KIRREL3: variants seen among roughly 807,000 people sequenced by gnomAD.
The protein encoded by KIRREL3 is kin of IRRE-like protein 3.
Under a neutral mutation model 89.7 loss-of-function variants are expected in KIRREL3, and 36 were observed. The observed-to-expected ratio is 0.40, with a 90% CI of 0.31 to 0.53. KIRREL3 has a LOEUF of 0.53. Ranked by LOEUF, KIRREL3 falls within the 20% of genes least tolerant of loss-of-function variation. The probability of loss-of-function intolerance (pLI) is 0.49; values close to 1 mark genes in which losing one functional copy is unlikely to be tolerated. For missense variants in KIRREL3, 864 were observed against 1,056.6 expected, an observed-to-expected ratio of 0.82 and a Z score of 2.53; for synonymous variants, 445 against 441.4, an observed-to-expected ratio of 1.01 and a Z score of -0.10.
rs190189074 is a variant in KIRREL3 at position 126,581,394 on chromosome 11, G to T, written c.56-18482C>A. Among the ~76,000 whole-genome samples, 4 of 152,228 alleles carry T rather than the reference G, an allele frequency of 2.6e-5. No homozygotes were observed. In the East Asian group the frequency reaches 7.7e-4, roughly 29 times the overall value. On this transcript the variant is annotated intron_variant, in intron 1 of 16. Coordinates refer to ENST00000525144, the MANE Select transcript of KIRREL3 (RefSeq NM_032531.4). ...ATTTTTGTATTTTTGTAGAGACAGG[G>T]TTTCACCTTGTTGACCAGGCTGGTC...
chr11:126,596,284 A>AC (rs35378597), intron 1 of KIRREL3, among the ~76,000 whole-genome samples: 1 of 152,068 alleles, frequency 6.6e-6, no homozygotes, highest in Non-Finnish European at 1.5e-5. Context: ...GGCATATGGT[A>AC]GATGTTGAGT....
At chr11:126,933,318 C>A (rs752178981) in intron 1 of KIRREL3, among the ~76,000 whole-genome samples, 1 of 151,780 alleles carries the variant, frequency 6.6e-6, no homozygotes, top group Non-Finnish European at 1.5e-5. Context: ...AGTGAGTGAG[C>A]CTAAGTTCAT....
At chr11:126,799,029 T>C (rs1350223298) in intron 1 of KIRREL3, among the ~76,000 whole-genome samples, 2 of 151,882 alleles carry the variant, frequency 1.3e-5, no homozygotes, top group African/African-American at 4.8e-5. Flanking sequence ...TATCTGTGCG[T>C]GTGCATGTGT....
rs572275467 is a variant in KIRREL3, at chr11:126,519,910, C to T, written c.433+1405G>A. 3.9e-5 allele frequency among the ~76,000 whole-genome samples: 6 copies of T among 152,248 alleles called. No homozygotes were observed. In the South Asian group the frequency reaches 6.2e-4, roughly 16 times the overall value. The stretch of plus-strand genomic sequence containing the variant: ...TACCCCAATTACTCCTCGGAAGGCC[C>T]GCTTCCCGGCCATGGAATCCCAACT... On this transcript the variant is annotated intron_variant, in intron 4 of 16. Coordinates refer to ENST00000525144, the MANE Select transcript of KIRREL3 (RefSeq NM_032531.4). The surrounding 1 kb of genome is among the most constrained non-coding windows in gnomAD (Gnocchi z 4.3).
In KIRREL3 at chr11:126,436,998, C is replaced by A. The variant is rs1337981643; in HGVS notation, c.1365G>T (p.Trp455Cys). The A allele has an allele frequency of 6.5e-7, 1 of 1,550,220 alleles. No individual in the cohort carries two copies. The highest frequency in any genetic ancestry group is 2.3e-5 in the East Asian group (1 of 42,756). ...TPPPDRIAWS[W>C]KENVLESGTS... ...TGCCCGACTCCAGAACGTTCTCCTT[C>A]CAGGACCAGGCCTGCCCGGGGGCGC... Residue 455 changes from tryptophan (W) to cysteine (C), a missense_variant, in exon 12 of 17, where the codon TGG becomes TGT. Transcript: ENST00000525144.
At chr11:126,457,045 G>A (rs1012007552) in intron 6 of KIRREL3, among the ~76,000 whole-genome samples, 6 of 152,104 alleles carry the variant, frequency 3.9e-5, no homozygotes, top group Non-Finnish European at 8.8e-5. Context: ...GTGGGAAGGG[G>A]AGGAGACAGA....
At position 126,987,289 on chromosome 11, in the gene KIRREL3, T is replaced by C. The variant is rs1214340961; in HGVS notation, c.55+13166A>G. Reference sequence around the variant, plus strand: ...AATCTAGCAGAGTCTATAGTACGCATAAAGTCAACAATGAACAAGACTAAG... The same window carrying C: ...AATCTAGCAGAGTCTATAGTACGCACAAAGTCAACAATGAACAAGACTAAG... On this transcript the variant is annotated intron_variant, in intron 1 of 16. Transcript: ENST00000525144. This position sits in a 1 kb window ranked among gnomAD's most constrained non-coding sequence, Gnocchi z 4.6. 6.6e-6 allele frequency among the ~76,000 whole-genome samples: 1 copy of C among 152,212 alleles called. No individual in the cohort carries two copies. Among genetic ancestry groups the C allele is most frequent in the East Asian group, 1.9e-4 (1 of 5,200 alleles).
intron 5 of KIRREL3, among the ~76,000 whole-genome samples, chr11:126,468,965 T>C (rs1956806490): frequency 6.6e-6 from 1 of 152,114 alleles, no homozygotes; most frequent in East Asian, 1.9e-4. Flanking sequence ...AAACGCGAGG[T>C]CCATAGTGGG....
intron 1 of KIRREL3, among the ~76,000 whole-genome samples, chr11:126,698,340 C>T (rs1331543053): frequency 2.0e-5 from 3 of 152,192 alleles, no homozygotes; most frequent in Admixed American, 6.5e-5. Flanking sequence ...CAGACAAATC[C>T]CTCTCCCAGG....
At chr11:126,799,751 G>T (rs1950972782) in intron 1 of KIRREL3, among the ~76,000 whole-genome samples, 8 of 152,214 alleles carry the variant, frequency 5.3e-5, no homozygotes, top group Admixed American at 5.2e-4. Context: ...TCTGCCCCCA[G>T]TTTTTATTAA....
chr11:126,756,553 C>G (rs1477871781), intron 1 of KIRREL3, among the ~76,000 whole-genome samples: 1 of 152,234 alleles, frequency 6.6e-6, no homozygotes, highest in African/African-American at 2.4e-5. Flanking sequence ...GGTCTAGGCC[C>G]CTGGAATGCC....
chr11:126,552,551 T>TTTTTG (rs1565544828), intron 2 of KIRREL3, among the ~76,000 whole-genome samples: 54 of 28,744 alleles, frequency 1.9e-3, no homozygotes, highest in African/African-American at 8.5e-3. Context: ...GAGAGAAAAG[T>TTTTTG]TTTTTTTTTT....
In KIRREL3 at chr11:126,825,981, G is replaced by C. The variant is rs145472049; in HGVS notation, c.55+174474C>G. On this transcript the variant is annotated intron_variant, in intron 1 of 16. Transcript: ENST00000525144. Reference sequence around the variant, plus strand: ...TTTGGATTTTTCCCAGTTGGGTTCAGCCTTTTCTAGTCACTCCCCTTCCTG... The same window carrying C: ...TTTGGATTTTTCCCAGTTGGGTTCACCCTTTTCTAGTCACTCCCCTTCCTG... Among the ~76,000 whole-genome samples, 1,291 of 152,284 alleles carry C rather than the reference G, an allele frequency of 8.5e-3. 6 individuals are homozygous for C. The highest frequency in any genetic ancestry group is 0.048 in the Middle Eastern group (14 of 294).
intron 1 of KIRREL3, among the ~76,000 whole-genome samples, chr11:126,625,152 A>T (rs1384968281): frequency 6.6e-6 from 1 of 152,122 alleles, no homozygotes; most frequent in Non-Finnish European, 1.5e-5. Flanking sequence ...GCCCTACTTG[A>T]TCTGAGCATG....
At chr11:126,479,195 A>C (rs1957158697) in intron 4 of KIRREL3, among the ~76,000 whole-genome samples, 2 of 152,102 alleles carry the variant, frequency 1.3e-5, no homozygotes, top group African/African-American at 4.8e-5. Context: ...CACTGACTAC[A>C]GTGGAGGGAG....
In KIRREL3 at chr11:126,601,662, G is replaced by A. The variant is rs1319957693; in HGVS notation, c.56-38750C>T. Among the ~76,000 whole-genome samples the A allele has an allele frequency of 1.3e-5, 2 of 152,098 alleles. No homozygotes were observed. The highest frequency in any genetic ancestry group is 1.5e-5 in the Non-Finnish European group (1 of 67,998). On this transcript the variant is annotated intron_variant, in intron 1 of 16. Transcript: ENST00000525144. This position sits in a 1 kb window ranked among gnomAD's most constrained non-coding sequence, Gnocchi z 5.8. ...GAGAAAGGAGGCCTCACAGTGTCCT[G>A]GCCCCCTCTGCCCACTTGCCGCCCC...
Position 126,492,319 on chromosome 11 carries a change from G to C in KIRREL3, c.434-18853C>G, listed in dbSNP as rs1447114483. On this transcript the variant is annotated intron_variant, in intron 4 of 16. Coordinates refer to ENST00000525144, the MANE Select transcript of KIRREL3 (RefSeq NM_032531.4). This position sits in a 1 kb window ranked among gnomAD's most constrained non-coding sequence, Gnocchi z 4.8. ...TTCCCAAGCCTGTTCCCCTACCCCCGATGAGGGATGAGGTGGATGTGACAA... is the reference window on the plus strand; with the variant it reads ...TTCCCAAGCCTGTTCCCCTACCCCCCATGAGGGATGAGGTGGATGTGACAA... Among the ~76,000 whole-genome samples the C allele has an allele frequency of 6.6e-6, 1 of 152,156 alleles. No individual in the cohort carries two copies. The highest frequency in any genetic ancestry group is 1.5e-5 in the Non-Finnish European group (1 of 68,024).
In KIRREL3 at chr11:126,639,859, G is replaced by A. The variant is rs542397439; in HGVS notation, c.56-76947C>T. Among the ~76,000 whole-genome samples, 3 of 152,328 alleles carry A rather than the reference G, an allele frequency of 2.0e-5. No homozygotes were observed. The highest frequency in any genetic ancestry group is 2.0e-4 in the Admixed American group (3 of 15,300). Reference sequence around the variant, plus strand: ...GCTGGGATCTGAGAAGGCTTAGTTTGATTACGCTTCATGGCCATCCAATCC... The same window carrying A: ...GCTGGGATCTGAGAAGGCTTAGTTTAATTACGCTTCATGGCCATCCAATCC... On this transcript the variant is annotated intron_variant, in intron 1 of 16. Coordinates refer to ENST00000525144, the MANE Select transcript of KIRREL3 (RefSeq NM_032531.4). This position sits in a 1 kb window ranked among gnomAD's most constrained non-coding sequence, Gnocchi z 4.3.
At position 126,521,568 on chromosome 11, in the gene KIRREL3, G is replaced by A; in HGVS notation, c.284-104C>T. The A allele has an allele frequency of 9.7e-7, 1 of 1,029,938 alleles. No individual in the cohort carries two copies. The highest frequency in any genetic ancestry group is 1.4e-6 in the Non-Finnish European group (1 of 711,440). The allele number at this position is 1,029,938 out of a possible 1,614,324, so 63.8% of individuals were successfully genotyped here. On this transcript the variant is annotated intron_variant, in intron 3 of 16. Coordinates refer to ENST00000525144, the MANE Select transcript of KIRREL3 (RefSeq NM_032531.4). This position sits in a 1 kb window ranked among gnomAD's most constrained non-coding sequence, Gnocchi z 4.1. ...ACCCAAGCAGGGGCCATTCTACAAG[G>A]CTGGCAGAGCGGGTGATTGCTCAGG...
Sources: allele counts gnomAD v4.1 joint callset (sites outside exome capture counted in the v4.1 genomes callset), GRCh38; gene constraint gnomAD v4.1.1; non-coding constraint Gnocchi (gnomAD v3.1); transcripts MANE v1.5; gene names NCBI Gene and HGNC (gene_info 2026-07-23, HGNC 2026-07-21).